SNX25: variants seen among roughly 807,000 people sequenced by gnomAD.
SNX25 encodes sorting nexin-25.
A neutral mutation model predicts 113.7 loss-of-function variants in SNX25; 62 were observed. The ratio of observed to expected loss-of-function variants is 0.55; its 90% CI spans 0.44 to 0.67. The LOEUF is 0.67. Ranked by LOEUF, SNX25 falls within the 30% of genes least tolerant of loss-of-function variation. The pLI, the probability that SNX25 is intolerant of heterozygous loss-of-function variation, is 0.00. For synonymous variants in SNX25, 421 were observed against 436.2 expected, an observed-to-expected ratio of 0.97 and a Z score of 0.43; for missense variants, 1,014 against 1,161.0, an observed-to-expected ratio of 0.87 and a Z score of 1.84.
intron 12 of SNX25, among the ~76,000 whole-genome samples, chr4:185,343,705 G>GAA (rs1459005769): frequency 6.6e-6 from 1 of 152,128 alleles, no homozygotes; most frequent in African/African-American, 2.4e-5. Flanking sequence ...CCCCAGCAGT[G>GAA]AACAGTTCTT....
upstream of SNX25, chr4:185,209,345 C>G (rs1425076112): frequency 1.3e-5 from 2 of 152,458 alleles, no homozygotes; most frequent in African/African-American, 4.8e-5. The surrounding 1 kb of genome is among the most constrained non-coding windows in gnomAD (Gnocchi z 5.2). Context: ...GAATTACCAG[C>G]GCCGCTGACA....
At chr4:185,234,786 A>G (rs1183169714) in intron 1 of SNX25, among the ~76,000 whole-genome samples, 4 of 152,172 alleles carry the variant, frequency 2.6e-5, no homozygotes, top group East Asian at 1.9e-4. Context: ...TTATGTGCAT[A>G]TTATCCTTCT....
At chr4:185,271,856 G>A (rs933219802) in intron 5 of SNX25, among the ~76,000 whole-genome samples, 3 of 152,238 alleles carry the variant, frequency 2.0e-5, no homozygotes, top group African/African-American at 7.2e-5. Context: ...GGTGATATTT[G>A]TAGTTCTGGA....
intron 2 of SNX25, among the ~76,000 whole-genome samples, chr4:185,249,531 A>G (rs1217399053): frequency 6.6e-6 from 1 of 152,100 alleles, no homozygotes; most frequent in Non-Finnish European, 1.5e-5. Context: ...GATACAGAAG[A>G]TTTTTCTCCT....
upstream of SNX25, among the ~76,000 whole-genome samples, chr4:185,208,233 G>A (rs910611186): frequency 1.3e-5 from 2 of 152,126 alleles, no homozygotes; most frequent in Non-Finnish European, 2.9e-5. Context: ...GGCCAGGCTA[G>A]TCTTGAACTC....
chr4:185,313,761 A>T (rs1299891696), intron 7 of SNX25, among the ~76,000 whole-genome samples: 1 of 152,190 alleles, frequency 6.6e-6, no homozygotes, highest in African/African-American at 2.4e-5. Flanking sequence ...AAAAATTCAC[A>T]TATAACTATG....
chr4:185,217,754 G>C (rs1357799561), intron 1 of SNX25, among the ~76,000 whole-genome samples: 1 of 152,194 alleles, frequency 6.6e-6, no homozygotes, highest in Non-Finnish European at 1.5e-5. Flanking sequence ...TGGTACACGT[G>C]GTTGTGCTAA....
chr4:185,230,940 G>T (rs888293060), intron 1 of SNX25, among the ~76,000 whole-genome samples: 2 of 152,054 alleles, frequency 1.3e-5, no homozygotes, highest in Admixed American at 6.6e-5. Context: ...ACAGATAGGG[G>T]CTTCCTGATG....
chr4:185,233,404 A>G (rs943827664), intron 1 of SNX25, among the ~76,000 whole-genome samples: 2 of 152,200 alleles, frequency 1.3e-5, no homozygotes, highest in Non-Finnish European at 2.9e-5. Context: ...TAAATGTTAG[A>G]TGATTGAATA....
chr4:185,262,415 T>C (rs940217065), intron 3 of SNX25, among the ~76,000 whole-genome samples: 1 of 152,252 alleles, frequency 6.6e-6, no homozygotes, highest in Admixed American at 6.5e-5. Context: ...TTTTCTTTGC[T>C]GGTCGAGTAC....
chr4:185,245,482 T>C (rs1001043707), intron 1 of SNX25, among the ~76,000 whole-genome samples: 5 of 151,820 alleles, frequency 3.3e-5, no homozygotes, highest in African/African-American at 9.7e-5. Context: ...GGATTACAGG[T>C]GCCCGCCACC....
intron 6 of SNX25, among the ~76,000 whole-genome samples, chr4:185,306,336 A>G (rs1754466387): frequency 6.6e-6 from 1 of 152,276 alleles, no homozygotes; most frequent in African/African-American, 2.4e-5. Flanking sequence ...ATTTGTTAGC[A>G]ACAAGCTTTG....
intron 1 of SNX25, among the ~76,000 whole-genome samples, chr4:185,240,341 G>C (rs6852339): frequency 1.3e-5 from 2 of 149,006 alleles, no homozygotes; most frequent in African/African-American, 4.9e-5. Flanking sequence ...CAGTAGGGGC[G>C]GCCGGGCAGA....
In SNX25 at chr4:185,323,620, TCAG is replaced by T. The variant is rs1371396921; in HGVS notation, c.1573_1575del (p.Gln525del). The T allele has an allele frequency of 6.2e-7, 1 of 1,613,582 alleles. No individual in the cohort carries two copies. Among genetic ancestry groups the T allele is most frequent in the Non-Finnish European group, 8.5e-7 (1 of 1,179,716 alleles). On this transcript the variant is annotated inframe_deletion, in exon 9 of 19. Transcript: ENST00000652585. ...TGGAAAAATCACTTTACAAAGAAAT[TCAG>T]CAGTGTCTTGTAGGAAATAAAGGTA...
intron 9 of SNX25, among the ~76,000 whole-genome samples, chr4:185,331,508 C>T (rs1256369728): frequency 2.0e-5 from 3 of 152,168 alleles, no homozygotes; most frequent in Non-Finnish European, 4.4e-5. Context: ...GGGCCGGGCA[C>T]AGTGGCTCAC....
At chr4:185,264,637 A>C in intron 4 of SNX25, 27 bp downstream of exon 4, 1 of 1,608,976 alleles carries the variant, frequency 6.2e-7, no homozygotes, top group Non-Finnish European at 8.5e-7. Context: ...GATTTCACTA[A>C]TTCAATAAGT....
chr4:185,294,644 A>G (rs1366004092), intron 6 of SNX25, among the ~76,000 whole-genome samples: 2 of 152,198 alleles, frequency 1.3e-5, no homozygotes, highest in South Asian at 2.1e-4. Context: ...TGTTTCTGCT[A>G]TTTCCAAGTC....
chr4:185,240,554 G>A (rs1201399572), intron 1 of SNX25, among the ~76,000 whole-genome samples: 3 of 140,628 alleles, frequency 2.1e-5, no homozygotes, highest in South Asian at 2.3e-4. Context: ...TGGACAGGGC[G>A]GCTGGCCGGG....
intron 5 of SNX25, among the ~76,000 whole-genome samples, chr4:185,272,256 A>G (rs529838667): frequency 7.9e-5 from 12 of 152,350 alleles, no homozygotes; most frequent in African/African-American, 2.9e-4. Context: ...CAATCAAGGA[A>G]GGCAAACCAG....
Sources: allele counts gnomAD v4.1 joint callset (sites outside exome capture counted in the v4.1 genomes callset), GRCh38; gene constraint gnomAD v4.1.1; non-coding constraint Gnocchi (gnomAD v3.1); transcripts MANE v1.5; gene names NCBI Gene and HGNC (gene_info 2026-07-23, HGNC 2026-07-21).